The following SP1 variants were observed in gnomAD, a reference collection of about 807,000 sequenced individuals.
SP1 encodes transcription factor Sp1.
In SP1, 6 loss-of-function variants were observed where a neutral mutation model predicts 66.3. That is an observed-to-expected ratio of 0.09 (90% CI 0.05 to 0.18). The LOEUF is 0.18. Among genes scored for constraint, SP1 ranks in the 10% least tolerant of loss-of-function variants. SP1 has a pLI of 1.00. For synonymous variants in SP1, 417 were observed against 360.8 expected, an observed-to-expected ratio of 1.16 and a Z score of -1.77; for missense variants, 848 against 964.5, an observed-to-expected ratio of 0.88 and a Z score of 1.60.
chr12:53,399,450 G>T (rs1372677639), intron 3 of SP1, among the ~76,000 whole-genome samples: 1 of 150,620 alleles, frequency 6.6e-6, no homozygotes, highest in African/African-American at 2.4e-5. Flanking sequence ...TCTTCTGTCA[G>T]CCTTGAGAGT....
chr12:53,393,334 T>G (rs996072135), intron 3 of SP1, among the ~76,000 whole-genome samples: 14 of 151,932 alleles, frequency 9.2e-5, no homozygotes, highest in Admixed American at 8.5e-4. Flanking sequence ...GTCTTGCTCT[T>G]GTTGCCCAGG....
chr12:53,399,103 T>C (rs568567466), intron 3 of SP1, among the ~76,000 whole-genome samples: 1 of 152,210 alleles, frequency 6.6e-6, no homozygotes, highest in South Asian at 2.1e-4. Context: ...TAAAATGATT[T>C]TATGGTAATT....
Position 53,380,197 on chromosome 12 carries a change from C to A in SP1, c.-95C>A. 1 of 856,966 alleles carries A rather than the reference C, an allele frequency of 1.2e-6. No individual in the cohort carries two copies. The highest frequency in any genetic ancestry group is 2.0e-6 in the Non-Finnish European group (1 of 510,496). The allele number at this position is 856,966 out of a possible 1,614,324, so 53.1% of individuals were successfully genotyped here. On this transcript the variant is annotated 5_prime_UTR_variant, in exon 1 of 6. Transcript: ENST00000327443. ...CCTTACCCCCCCCTCCCTGTCCGGT[C>A]CGGGTTCGCTTGCCTCGTCAGCGTC...
chr12:53,397,854 G>A (rs753398975), intron 3 of SP1, among the ~76,000 whole-genome samples: 2 of 151,982 alleles, frequency 1.3e-5, no homozygotes, highest in Admixed American at 6.6e-5. Flanking sequence ...GCGCCCGACC[G>A]TAGATAATCT....
chr12:53,401,053 G>A (rs1400379063), intron 3 of SP1, among the ~76,000 whole-genome samples: 2 of 152,044 alleles, frequency 1.3e-5, no homozygotes, highest in East Asian at 1.9e-4. Context: ...GCAGGCATGA[G>A]CCACCTCATC....
rs779157241 is a variant in SP1 at position 53,382,658 on chromosome 12, C to T, written c.711C>T (p.Pro237=). The T allele has an allele frequency of 2.5e-6, 4 of 1,614,174 alleles. No individual in the cohort carries two copies. The highest frequency in any genetic ancestry group is 4.5e-5 in the East Asian group (2 of 44,890). The change falls in exon 3 of 6, where the codon CCC becomes CCT. Residue 237 remains proline, a synonymous_variant. Coordinates refer to ENST00000327443, the MANE Select transcript of SP1 (RefSeq NM_138473.3). The part of the protein sequence containing the change: ...AMPNLLQQAV[P]LQGLANNVLS... Reference sequence around the variant, plus strand: ...CAAACCTACTCCAGCAGGCTGTCCCCCTCCAAGGCCTGGCTAATAATGTAC... The same window carrying T: ...CAAACCTACTCCAGCAGGCTGTCCCTCTCCAAGGCCTGGCTAATAATGTAC...
At chr12:53,386,238 A>T (rs1382670847) in intron 3 of SP1, among the ~76,000 whole-genome samples, 1 of 152,094 alleles carries the variant, frequency 6.6e-6, no homozygotes, top group Non-Finnish European at 1.5e-5. Context: ...CTTTGAAAGT[A>T]CTGTGTGTGG....
intron 3 of SP1, among the ~76,000 whole-genome samples, chr12:53,403,706 G>A (rs1263370110): frequency 1.3e-5 from 2 of 152,114 alleles, no homozygotes. Flanking sequence ...AAGATGCTGT[G>A]ATAGACTAAT....
chr12:53,407,482 G>A (rs1163471154), intron 4 of SP1, among the ~76,000 whole-genome samples: 5 of 150,652 alleles, frequency 3.3e-5, no homozygotes, highest in African/African-American at 1.2e-4. Context: ...GTGCCACCAC[G>A]CCCGGCTAAG....
rs1244568212 is a variant in SP1, at chr12:53,412,097, GAAGT to G, written c.*860_*863del. On this transcript the variant is annotated 3_prime_UTR_variant, in exon 6 of 6. Coordinates refer to ENST00000327443, the MANE Select transcript of SP1 (RefSeq NM_138473.3). ...ATCCTTGAAGCCCAGGCTGATGCTT[GAAGT>G]AACTGTGGAGGGAGTGTTCAAAATA... 1 of 152,180 alleles carries G rather than the reference GAAGT, an allele frequency of 6.6e-6. No homozygotes were observed. Among genetic ancestry groups the G allele is most frequent in the Non-Finnish European group, 1.5e-5 (1 of 68,042 alleles). 9.4% of individuals were successfully genotyped at this position (152,180 alleles called of 1,614,324 possible).
intron 3 of SP1, among the ~76,000 whole-genome samples, chr12:53,405,036 TGGGG>T (rs1316728672): frequency 6.6e-6 from 1 of 151,848 alleles, no homozygotes; most frequent in Non-Finnish European, 1.5e-5. Flanking sequence ...TTAGTAGAGA[TGGGG>T]GTTTTACCAT....
rs1230954043 is a variant in SP1, at chr12:53,411,566, A to AT, written c.*328dup. On this transcript the variant is annotated 3_prime_UTR_variant, in exon 6 of 6. Transcript: ENST00000327443. ...TCTCTTCTCAGCTCTTCCATGATGG[A>AT]TTCCCCCCCCTTTCCTAAAGCCATC... The AT allele has an allele frequency of 5.0e-6, 1 of 199,314 alleles. No individual in the cohort carries two copies. The highest frequency in any genetic ancestry group is 1.0e-5 in the Non-Finnish European group (1 of 99,378). 12.3% of individuals were successfully genotyped at this position (199,314 alleles called of 1,614,324 possible). A position where few individuals can be genotyped will look rare whatever the true frequency, so the allele number is the denominator to read the frequency against.
At chr12:53,400,385 A>AG (rs1565814488) in intron 3 of SP1, among the ~76,000 whole-genome samples, 1 of 152,134 alleles carries the variant, frequency 6.6e-6, no homozygotes, top group African/African-American at 2.4e-5. Context: ...TTGTGTATAT[A>AG]TACCACATTT....
At chr12:53,381,515 C>G (rs1188817366) in intron 1 of SP1, 144 bp from the exon 2 acceptor site, 1 of 669,828 alleles carries the variant, frequency 1.5e-6, no homozygotes, top group African/African-American at 1.8e-5. Flanking sequence ...CAGCTCCCCT[C>G]TGCCCTCCAA....
intron 1 of SP1, among the ~76,000 whole-genome samples, 177 bp downstream of exon 1, chr12:53,380,475 C>A (rs1169032074): frequency 6.6e-6 from 1 of 150,880 alleles, no homozygotes; most frequent in Non-Finnish European, 1.5e-5. Flanking sequence ...GCGGGGCCTC[C>A]GAGGAGGAGG....
chr12:53,384,993 A>T (rs1445287357), intron 3 of SP1, among the ~76,000 whole-genome samples: 3 of 151,222 alleles, frequency 2.0e-5, no homozygotes, highest in Admixed American at 6.6e-5. Context: ...AAAAAAAAAA[A>T]ATACAAAAAT....
chr12:53,397,762 C>G (rs1236602845), intron 3 of SP1, among the ~76,000 whole-genome samples: 3 of 152,034 alleles, frequency 2.0e-5, no homozygotes, highest in African/African-American at 4.8e-5. Flanking sequence ...CCATGTTGGC[C>G]TGGCTGGTCT....
rs1299907968 is a variant in SP1, at chr12:53,409,419, G to T, written c.1902G>T (p.Gly634=). The change falls in exon 5 of 6, where the codon GGG becomes GGT. Residue 634 remains glycine, a synonymous_variant. Coordinates refer to ENST00000327443, the MANE Select transcript of SP1 (RefSeq NM_138473.3). ...ATATTTGCCACATCCAAGGCTGTGG[G>T]AAAGTGTATGGCAAGACCTCTCACC... The part of the protein sequence containing the change: ...KQHICHIQGC[G]KVYGKTSHLR... 1.2e-6 allele frequency: 2 copies of T among 1,614,096 alleles called. No individual in the cohort carries two copies. Among genetic ancestry groups the T allele is most frequent in the South Asian group, 1.1e-5 (1 of 91,086 alleles).
rs1231601130 is a variant in SP1, at chr12:53,409,562, G to A, written c.2044+1G>A. ...CAGAGGCACAAACGTACACACACAG[G>A]TGAGCAAGAGCCTATGGGAGAGAAA... On this transcript the variant is annotated splice_donor_variant, in intron 5 of 5. Transcript: ENST00000327443. LOFTEE classifies it high-confidence loss of function. 1 of 1,612,866 alleles carries A rather than the reference G, an allele frequency of 6.2e-7. No individual in the cohort carries two copies. The highest frequency in any genetic ancestry group is 8.5e-7 in the Non-Finnish European group (1 of 1,178,942).
Sources: gnomAD v4.1 joint callset for allele counts (sites outside exome capture counted in the v4.1 genomes callset) on GRCh38, gnomAD v4.1.1 for gene constraint, MANE v1.5 for transcripts, NCBI Gene and HGNC (gene_info 2026-07-23, HGNC 2026-07-21) for gene names.